Variants in SLC2A13 observed in about 807,000 individuals in gnomAD.
SLC2A13 encodes the protein solute carrier family 2 member 13, also known as proton myo-inositol cotransporter.
Under a neutral mutation model 64.4 loss-of-function variants are expected in SLC2A13, and 32 were observed. That is an observed-to-expected ratio of 0.50 (90% CI 0.37 to 0.67). SLC2A13 has a LOEUF of 0.67. SLC2A13 is among the 30% of genes least tolerant of loss of function. SLC2A13 has a pLI of 0.00. For synonymous variants in SLC2A13, 338 were observed against 327.1 expected (o/e 1.03, Z -0.36); for missense variants, 743 against 829.2 (o/e 0.90, Z 1.28).
intron 1 of SLC2A13, 39 bp from the exon 2 acceptor site, chr12:40,048,249 C>A: frequency 1.3e-6 from 2 of 1,555,964 alleles, no homozygotes; most frequent in South Asian, 1.2e-5. Context: ...GACATTTACT[C>A]AAGATTTCTG....
At chr12:40,038,997 A>G (rs193086727) in intron 2 of SLC2A13, among the ~76,000 whole-genome samples, 1 of 152,206 alleles carries the variant, frequency 6.6e-6, no homozygotes, top group East Asian at 1.9e-4. Flanking sequence ...GTGGTAAAAT[A>G]TAAATAAAAT....
chr12:40,089,990 T>C (rs906718609), intron 1 of SLC2A13, among the ~76,000 whole-genome samples: 2 of 152,120 alleles, frequency 1.3e-5, no homozygotes, highest in Non-Finnish European at 2.9e-5. Flanking sequence ...CTAAACCATG[T>C]TTGCTTCTTT....
intron 1 of SLC2A13, among the ~76,000 whole-genome samples, chr12:40,097,068 C>G (rs150158867): frequency 3.3e-5 from 5 of 152,142 alleles, no homozygotes; most frequent in Admixed American, 3.3e-4. Context: ...CATACTTAAA[C>G]TAAGGAAAAT....
intron 4 of SLC2A13, among the ~76,000 whole-genome samples, chr12:39,902,014 A>T (rs1178604705): frequency 1.3e-5 from 2 of 152,126 alleles, no homozygotes; most frequent in Non-Finnish European, 1.5e-5. Context: ...ATGCAGCCAG[A>T]AAAAAGGATG....
intron 4 of SLC2A13, among the ~76,000 whole-genome samples, chr12:39,891,074 T>C (rs935799763): frequency 3.3e-5 from 5 of 151,808 alleles, no homozygotes; most frequent in Admixed American, 3.3e-4. Flanking sequence ...ATAGAAAAAT[T>C]CTGGACACCT....
intron 6 of SLC2A13, among the ~76,000 whole-genome samples, chr12:39,864,192 G>T (rs1052315278): frequency 7.9e-5 from 12 of 152,256 alleles, no homozygotes; most frequent in Non-Finnish European, 1.5e-4. Flanking sequence ...TACACTGTTA[G>T]ATTTAATGAG....
chr12:39,898,179 C>G (rs1262015989), intron 4 of SLC2A13, among the ~76,000 whole-genome samples: 1 of 152,054 alleles, frequency 6.6e-6, no homozygotes, highest in Non-Finnish European at 1.5e-5. Context: ...GGATAAATTT[C>G]TAGAAGTAAA....
chr12:39,826,178 G>C (rs1028125259), intron 7 of SLC2A13, among the ~76,000 whole-genome samples: 1 of 151,970 alleles, frequency 6.6e-6, no homozygotes, highest in African/African-American at 2.4e-5. Flanking sequence ...TTCTTAAAAA[G>C]AATGACATTC....
intron 3 of SLC2A13, among the ~76,000 whole-genome samples, chr12:39,960,593 T>C (rs1029408858): frequency 7.9e-5 from 12 of 152,278 alleles, no homozygotes; most frequent in African/African-American, 2.4e-4. Context: ...TTGGCCAGGC[T>C]GGTCTCGAAC....
intron 6 of SLC2A13, among the ~76,000 whole-genome samples, chr12:39,861,664 G>GGT (rs771487871): frequency 7.2e-5 from 11 of 152,108 alleles, no homozygotes; most frequent in Non-Finnish European, 1.5e-4. Context: ...TGGAATTATG[G>GGT]GTGTGAAAAA....
chr12:40,016,026 AG>A (rs1947615294), intron 3 of SLC2A13, among the ~76,000 whole-genome samples: 1 of 152,220 alleles, frequency 6.6e-6, no homozygotes, highest in Non-Finnish European at 1.5e-5. Flanking sequence ...AGATAAAATC[AG>A]AAAAGTCACA....
chr12:39,761,879 A>T (rs1402985070), intron 9 of SLC2A13, among the ~76,000 whole-genome samples: 2 of 152,100 alleles, frequency 1.3e-5, no homozygotes, highest in African/African-American at 4.8e-5. Flanking sequence ...TATCTTCATC[A>T]TTATCTTTCA....
intron 1 of SLC2A13, among the ~76,000 whole-genome samples, chr12:40,069,634 T>C (rs936005414): frequency 1.3e-5 from 2 of 151,774 alleles, no homozygotes; most frequent in East Asian, 3.9e-4. Context: ...ATTAGGACCA[T>C]GGTTGAAAAA....
chr12:40,081,520 T>C (rs1382528040), intron 1 of SLC2A13, among the ~76,000 whole-genome samples: 1 of 152,214 alleles, frequency 6.6e-6, no homozygotes, highest in African/African-American at 2.4e-5. Context: ...TCTTGTAGAT[T>C]TTCACCTCTA....
At chr12:40,074,555 C>T (rs1030928398) in intron 1 of SLC2A13, among the ~76,000 whole-genome samples, 2 of 152,076 alleles carry the variant, frequency 1.3e-5, no homozygotes, top group African/African-American at 2.4e-5. Context: ...CTTACATTAC[C>T]CATCTGTCCT....
At chr12:39,977,515 G>A (rs1946785644) in intron 3 of SLC2A13, among the ~76,000 whole-genome samples, 1 of 152,182 alleles carries the variant, frequency 6.6e-6, no homozygotes, top group African/African-American at 2.4e-5. Context: ...ATCAAGAACG[G>A]TTATTAAATA....
intron 7 of SLC2A13, among the ~76,000 whole-genome samples, chr12:39,780,862 C>A (rs963511576): frequency 4.6e-5 from 7 of 152,112 alleles, no homozygotes; most frequent in Non-Finnish European, 8.8e-5. Flanking sequence ...AAAACTTCCC[C>A]TAGAAGCTGC....
intron 3 of SLC2A13, among the ~76,000 whole-genome samples, chr12:39,972,018 T>TATA (rs1474580303): frequency 1.2e-4 from 5 of 41,700 alleles, no homozygotes; most frequent in South Asian, 8.7e-4. Flanking sequence ...ATATATATTT[T>TATA]TTTTTATATA....
intron 7 of SLC2A13, among the ~76,000 whole-genome samples, chr12:39,797,763 C>CAT (rs1941630611): frequency 6.6e-6 from 1 of 152,082 alleles, no homozygotes; most frequent in Non-Finnish European, 1.5e-5. Context: ...CACACACACA[C>CAT]ACACACACAC....
Sources: allele counts gnomAD v4.1 joint callset (sites outside exome capture counted in the v4.1 genomes callset), GRCh38; gene constraint gnomAD v4.1.1; transcripts MANE v1.5; gene names NCBI Gene and HGNC (gene_info 2026-07-23, HGNC 2026-07-21).